Variants in SORBS2 observed in about 807,000 individuals in gnomAD.
SORBS2 encodes sorbin and SH3 domain-containing protein 2.
Under a neutral mutation model 97.7 loss-of-function variants are expected in SORBS2, and 46 were observed. That is an observed-to-expected ratio of 0.47 (90% CI 0.37 to 0.60). The LOEUF is 0.60. SORBS2 is among the 20% of genes least tolerant of loss of function. The probability of loss-of-function intolerance (pLI) is 0.00; values close to 1 mark genes in which losing one functional copy is unlikely to be tolerated. For synonymous variants in SORBS2, 476 were observed against 473.4 expected, an observed-to-expected ratio of 1.01 and a Z score of -0.07; for missense variants, 1,316 against 1,282.3, an observed-to-expected ratio of 1.03 and a Z score of -0.40.
intron 6 of SORBS2, 39 bp downstream of exon 18, chr4:185,626,793 A>G (rs2096823355): frequency 6.2e-7 from 1 of 1,602,968 alleles, no homozygotes; most frequent in East Asian, 2.2e-5. Context: ...GCTAAAACGT[A>G]AACTAGTAAA....
chr4:185,611,764 T>C lies in SORBS2; in HGVS notation c.2796+16A>G, dbSNP rs2153403506. ...AGCTTCCAATATTACATTAACATGA[T>C]AGAGTATGTTCTTACCTTATTTGAG... On this transcript the variant is annotated intron_variant, in intron 12 of 14. Transcript: ENST00000418609. The C allele has an allele frequency of 6.3e-7, 1 of 1,599,566 alleles. No individual in the cohort carries two copies. Among genetic ancestry groups the C allele is most frequent in the Non-Finnish European group, 8.6e-7 (1 of 1,167,166 alleles).
upstream of SORBS2, chr4:185,657,547 G>A (rs1375141261): frequency 1.9e-6 from 3 of 1,580,294 alleles, no homozygotes; most frequent in African/African-American, 1.4e-5. Context: ...TAGAGCTGCT[G>A]GTGGTGCCAT....
chr4:185,886,642 C>A (rs576295910), intron 1 of SORBS2, among the ~76,000 whole-genome samples: 1 of 151,152 alleles, frequency 6.6e-6, no homozygotes, highest in East Asian at 1.9e-4. Flanking sequence ...CTGCTATCCA[C>A]GGCTCAGGTC....
At chr4:185,941,828 T>C (rs2099272129) in intron 1 of SORBS2, among the ~76,000 whole-genome samples, 1 of 152,258 alleles carries the variant, frequency 6.6e-6, no homozygotes, top group South Asian at 2.1e-4. Flanking sequence ...AAAGTAAGAC[T>C]TGGATGGCTG....
intron 13 of SORBS2, among the ~76,000 whole-genome samples, chr4:185,592,518 A>C (rs2095973547): frequency 6.6e-6 from 1 of 152,172 alleles, no homozygotes; most frequent in Non-Finnish European, 1.5e-5. Flanking sequence ...CTTTAGAATG[A>C]CAAGTCGTAT....
intron 4 of SORBS2, among the ~76,000 whole-genome samples, chr4:185,644,325 ACAAC>A (rs1485032819): frequency 1.3e-5 from 2 of 152,132 alleles, no homozygotes; most frequent in Non-Finnish European, 2.9e-5. Flanking sequence ...TTCCTGTCTT[ACAAC>A]CAGTCACATC....
chr4:185,833,519 AAC>A, intron 1 of SORBS2, among the ~76,000 whole-genome samples: 1 of 152,356 alleles, frequency 6.6e-6, no homozygotes, highest in East Asian at 1.9e-4. Context: ...ATATGCCTTA[AAC>A]ACACTTTTTA....
chr4:185,849,227 C>G (rs912100550), intron 1 of SORBS2, among the ~76,000 whole-genome samples: 2 of 152,138 alleles, frequency 1.3e-5, no homozygotes, highest in African/African-American at 4.8e-5. Flanking sequence ...TTGGCACACC[C>G]TTGTTGACCC....
chr4:185,598,371 T>C (rs1024780042), intron 12 of SORBS2, among the ~76,000 whole-genome samples: 1 of 152,234 alleles, frequency 6.6e-6, no homozygotes, highest in Non-Finnish European at 1.5e-5. Context: ...GAGACAAGTT[T>C]TAAACACATG....
intron 1 of SORBS2, among the ~76,000 whole-genome samples, chr4:185,834,622 T>A (rs2099206979): frequency 6.6e-6 from 1 of 152,178 alleles, no homozygotes; most frequent in African/African-American, 2.4e-5. Flanking sequence ...CTACTCTTCT[T>A]GTTTCCAAAA....
chr4:185,894,578 T>C (rs2099244086), intron 1 of SORBS2, among the ~76,000 whole-genome samples: 1 of 152,158 alleles, frequency 6.6e-6, no homozygotes, highest in South Asian at 2.1e-4. Context: ...TGACCAGCCG[T>C]GTCACAAGCA....
At chr4:185,612,646 G>A (rs1338013347) in intron 11 of SORBS2, among the ~76,000 whole-genome samples, 1 of 151,810 alleles carries the variant, frequency 6.6e-6, no homozygotes, top group Non-Finnish European at 1.5e-5. Context: ...CCGCCACCAG[G>A]CCCGGCTAAT....
intron 1 of SORBS2, among the ~76,000 whole-genome samples, chr4:185,873,297 G>A (rs1254213599): frequency 3.3e-5 from 5 of 152,100 alleles, no homozygotes; most frequent in African/African-American, 7.2e-5. Context: ...GTGGACTTAC[G>A]GAGATGGAGC....
chr4:185,710,908 C>T (rs1562055340), intron 2 of SORBS2, among the ~76,000 whole-genome samples: 1 of 152,200 alleles, frequency 6.6e-6, no homozygotes, highest in Non-Finnish European at 1.5e-5. Flanking sequence ...CAGGAAACTG[C>T]AAATAAATCG....
chr4:185,628,787 G>A lies in SORBS2; in HGVS notation c.446+1762C>T, dbSNP rs114387222. 5.1e-3 allele frequency among the ~76,000 whole-genome samples: 779 copies of A among 152,292 alleles called. 4 individuals are homozygous for A. The highest frequency in any genetic ancestry group is 0.018 in the African/African-American group (750 of 41,546). On this transcript the variant is annotated intron_variant, in intron 5 of 14. Transcript: ENST00000418609. ...TCAATCAGTACCAGTAATCTGGTCA[G>A]CAAATTAACTATTAAAGATTCCTTC...
At chr4:185,731,909 T>TA (rs1491340120) in intron 2 of SORBS2, among the ~76,000 whole-genome samples, 144 of 97,540 alleles carry the variant, frequency 1.5e-3, no homozygotes, top group African/African-American at 1.7e-3. Flanking sequence ...TATATATATA[T>TA]GTCTGTTTCT....
At chr4:185,625,954 A>G (rs908470866) in intron 6 of SORBS2, among the ~76,000 whole-genome samples, 2 of 152,194 alleles carry the variant, frequency 1.3e-5, no homozygotes, top group African/African-American at 4.8e-5. Context: ...TTCTTTACAC[A>G]TTTCAAAATC....
At chr4:185,903,575 C>A (rs1010613330) in intron 1 of SORBS2, among the ~76,000 whole-genome samples, 11 of 152,090 alleles carry the variant, frequency 7.2e-5, no homozygotes, top group Non-Finnish European at 1.2e-4. Flanking sequence ...TCTAGCTCTC[C>A]CCCCTGCCAC....
chr4:185,677,243 A>G (rs921310409), intron 4 of SORBS2: 27 of 1,551,690 alleles, frequency 1.7e-5, no homozygotes, highest in Non-Finnish European at 2.4e-5. Context: ...AGAACTGTGG[A>G]GTACTAATGG....
Sources: gnomAD v4.1 joint callset for allele counts (sites outside exome capture counted in the v4.1 genomes callset) on GRCh38, gnomAD v4.1.1 for gene constraint, MANE v1.5 for transcripts, NCBI Gene and HGNC (gene_info 2026-07-23, HGNC 2026-07-21) for gene names.